PTPRD: variants seen among roughly 807,000 people sequenced by gnomAD.
PTPRD encodes protein tyrosine phosphatase receptor type D, also known as receptor-type tyrosine-protein phosphatase delta.
In PTPRD, 34 loss-of-function variants were observed where a neutral mutation model predicts 214.5. That is an observed-to-expected ratio of 0.16 (90% CI 0.12 to 0.21). PTPRD has a LOEUF of 0.21. Ranked by LOEUF, PTPRD falls within the 10% of genes least tolerant of loss-of-function variation. The probability of loss-of-function intolerance (pLI) is 1.00; values close to 1 mark genes in which losing one functional copy is unlikely to be tolerated. For missense variants in PTPRD, 2,545 were observed against 2,398.7 expected, an observed-to-expected ratio of 1.06 and a Z score of -1.27; for synonymous variants, 1,128 against 845.7, an observed-to-expected ratio of 1.33 and a Z score of -5.79.
chr9:9,148,937 T>C (rs561648116), intron 10 of PTPRD, among the ~76,000 whole-genome samples: 3 of 152,376 alleles, frequency 2.0e-5, no homozygotes, highest in South Asian at 4.1e-4. Flanking sequence ...CTGAGAGGTA[T>C]GGTCTTAGTA....
intron 39 of PTPRD, among the ~76,000 whole-genome samples, chr9:8,367,918 C>T (rs373777342): frequency 2.5e-4 from 38 of 152,294 alleles, no homozygotes; most frequent in African/African-American, 6.7e-4. Flanking sequence ...ATTATCCCCA[C>T]GTTACTGATC....
chr9:10,512,294 G>T (rs1240413065), intron 2 of PTPRD, among the ~76,000 whole-genome samples: 6 of 151,968 alleles, frequency 3.9e-5, no homozygotes, highest in Non-Finnish European at 8.8e-5. Flanking sequence ...GAGGGAGAGA[G>T]AATGTGTGAC....
chr9:9,278,052 AT>A (rs1424652612), intron 9 of PTPRD, among the ~76,000 whole-genome samples: 1 of 151,438 alleles, frequency 6.6e-6, no homozygotes, highest in Non-Finnish European at 1.5e-5. Flanking sequence ...AGTTCTTAAC[AT>A]GTGCTGCAAT....
At chr9:10,245,951 A>G (rs1029482708) in intron 3 of PTPRD, among the ~76,000 whole-genome samples, 1 of 152,216 alleles carries the variant, frequency 6.6e-6, no homozygotes, top group South Asian at 2.1e-4. Flanking sequence ...GTGATAGAAC[A>G]CTTTCTATCC....
intron 11 of PTPRD, among the ~76,000 whole-genome samples, chr9:8,959,732 T>C (rs886301395): frequency 1.8e-4 from 27 of 152,216 alleles, no homozygotes; most frequent in East Asian, 1.4e-3. Context: ...ATATTTCTTA[T>C]CAAATCCTCC....
chr9:10,479,343 AG>A (rs979059471), intron 2 of PTPRD, among the ~76,000 whole-genome samples: 97 of 152,198 alleles, frequency 6.4e-4, no homozygotes, highest in African/African-American at 2.2e-3. Context: ...ACCAACACAT[AG>A]GAAAGGTGGA....
intron 10 of PTPRD, among the ~76,000 whole-genome samples, chr9:9,063,710 G>C (rs976872528): frequency 2.0e-5 from 3 of 152,148 alleles, no homozygotes; most frequent in Non-Finnish European, 4.4e-5. Flanking sequence ...CATATGACTA[G>C]ATATGTTTAA....
At chr9:8,622,997 A>C (rs2095869393) in intron 14 of PTPRD, among the ~76,000 whole-genome samples, 1 of 151,646 alleles carries the variant, frequency 6.6e-6, no homozygotes, top group Admixed American at 6.6e-5. Flanking sequence ...AAATACAAAA[A>C]AAAAAATTAG....
intron 11 of PTPRD, among the ~76,000 whole-genome samples, chr9:8,909,739 G>C (rs992111187): frequency 1.2e-4 from 18 of 151,674 alleles, no homozygotes; most frequent in African/African-American, 4.1e-4. Flanking sequence ...CATCAAATAA[G>C]GTGGAAGACA....
rs2068383859 is a variant in PTPRD, at chr9:9,880,659, G to A, written c.-368+57848C>T. Among the ~76,000 whole-genome samples, 3 of 152,208 alleles carry A rather than the reference G, an allele frequency of 2.0e-5. No individual in the cohort carries two copies. The South Asian group carries it at 6.2e-4, about 32-fold the overall frequency. Reference sequence around the variant, plus strand: ...TGTGTTGTGTGCTTGTGTGTGATAAGCAGTGTTTTATACACACTGAGCAGT... The same window carrying A: ...TGTGTTGTGTGCTTGTGTGTGATAAACAGTGTTTTATACACACTGAGCAGT... On this transcript the variant is annotated intron_variant, in intron 5 of 45. Coordinates refer to ENST00000381196, the MANE Select transcript of PTPRD (RefSeq NM_002839.4).
chr9:9,993,312 A>G (rs201037800), intron 4 of PTPRD, among the ~76,000 whole-genome samples: 2 of 152,358 alleles, frequency 1.3e-5, no homozygotes, highest in East Asian at 1.9e-4. Flanking sequence ...CTCCCTCCAA[A>G]GAGCAAACGA....
At chr9:9,776,493 G>A (rs2098799683) in intron 5 of PTPRD, among the ~76,000 whole-genome samples, 1 of 151,882 alleles carries the variant, frequency 6.6e-6, no homozygotes, top group African/African-American at 2.4e-5. Flanking sequence ...ATAATGCCTG[G>A]CACACAACAG....
At chr9:9,017,454 C>T (rs762306025) in intron 11 of PTPRD, among the ~76,000 whole-genome samples, 2 of 152,126 alleles carry the variant, frequency 1.3e-5, no homozygotes, top group East Asian at 1.9e-4. Context: ...CTTTGAACGC[C>T]GGAGTAATTT....
At chr9:9,837,393 C>T (rs186177527) in intron 5 of PTPRD, among the ~76,000 whole-genome samples, 2 of 152,050 alleles carry the variant, frequency 1.3e-5, no homozygotes, top group Non-Finnish European at 2.9e-5. Flanking sequence ...TGTTCTAGAA[C>T]CAATTGCATT....
chr9:9,784,389 A>T (rs961970182), intron 5 of PTPRD, among the ~76,000 whole-genome samples: 81 of 152,228 alleles, frequency 5.3e-4, no homozygotes, highest in African/African-American at 1.8e-3. Context: ...GCTTATTTAC[A>T]ATAAATAAGC....
At chr9:10,544,976 A>G (rs375789771) in intron 2 of PTPRD, among the ~76,000 whole-genome samples, 1 of 152,216 alleles carries the variant, frequency 6.6e-6, no homozygotes, top group African/African-American at 2.4e-5. Flanking sequence ...GGTTCAGGAA[A>G]TGGTCGCATC....
chr9:8,348,632 A>G (rs12342801), intron 39 of PTPRD, among the ~76,000 whole-genome samples: 19,741 of 152,028 alleles, frequency 0.13, 2,505 homozygotes, highest in African/African-American at 0.33. Context: ...TTAGGCATTG[A>G]TCTCACTGTT....
Position 9,087,676 on chromosome 9 carries a change from C to G in PTPRD, c.-142-68941G>C, listed in dbSNP as rs146764634. Among the ~76,000 whole-genome samples, 109 of 152,132 alleles carry G rather than the reference C, an allele frequency of 7.2e-4. 1 individual carries two copies. The East Asian group carries it at 0.018, about 26-fold the overall frequency. ...GGAAAACATGGGGAAGTGAATATCC[C>G]AAACTACCAAAATAAGAAAGTCAAG... On this transcript the variant is annotated intron_variant, in intron 10 of 45. Transcript: ENST00000381196.
intron 11 of PTPRD, among the ~76,000 whole-genome samples, chr9:8,771,210 T>C (rs1221728058): frequency 6.6e-6 from 1 of 151,532 alleles, no homozygotes; most frequent in Non-Finnish European, 1.5e-5. Context: ...GTCTTTATTC[T>C]TTATTAAAAA....
Sources: allele counts gnomAD v4.1 joint callset (sites outside exome capture counted in the v4.1 genomes callset), GRCh38; gene constraint gnomAD v4.1.1; transcripts MANE v1.5; gene names NCBI Gene and HGNC (gene_info 2026-07-23, HGNC 2026-07-21).